The following ZZEF1 variants were observed in gnomAD, a reference collection of about 807,000 sequenced individuals.
ZZEF1 encodes the protein zinc finger ZZ-type and EF-hand domain containing 1.
ZZEF1 carries 157 observed loss-of-function variants against 342.8 expected under a neutral mutation model. The ratio of observed to expected loss-of-function variants is 0.46; its 90% CI spans 0.40 to 0.52. The LOEUF (loss-of-function observed/expected upper bound fraction) is 0.52, where lower values mean the gene tolerates loss of function less well. ZZEF1 is among the 20% of genes least tolerant of loss of function. The pLI is 0.00. For missense variants in ZZEF1, 3,480 were observed against 3,725.6 expected (o/e 0.93, Z 1.72); for synonymous variants, 1,505 against 1,429.1 (o/e 1.05, Z -1.20).
intron 17 of ZZEF1, among the ~76,000 whole-genome samples, chr17:4,081,728 G>A (rs1263625460): frequency 8.5e-5 from 13 of 152,162 alleles, no homozygotes; most frequent in Admixed American, 5.9e-4. Flanking sequence ...CCCTGAGGTA[G>A]AAGGCTGATG....
intron 11 of ZZEF1, among the ~76,000 whole-genome samples, chr17:4,091,129 C>T (rs1407984845): frequency 6.6e-6 from 1 of 152,196 alleles, no homozygotes; most frequent in Non-Finnish European, 1.5e-5. Flanking sequence ...TTGTGGATGA[C>T]TCAGGAGTAA....
At chr17:4,123,758 T>C (rs1300281533) in intron 2 of ZZEF1, 149 bp downstream of exon 2, 12 of 867,968 alleles carry the variant, frequency 1.4e-5, no homozygotes, top group Non-Finnish European at 1.9e-5. Flanking sequence ...ATGAAAGAGA[T>C]GACTAAAGGA....
chr17:4,018,321 G>T (rs1422881360), intron 46 of ZZEF1, among the ~76,000 whole-genome samples: 2 of 151,512 alleles, frequency 1.3e-5, no homozygotes, highest in African/African-American at 4.9e-5. Context: ...ATGTTGCCCG[G>T]GCCGGCCTGG....
chr17:4,132,916 A>G (rs1225961041), intron 1 of ZZEF1, among the ~76,000 whole-genome samples: 1 of 152,130 alleles, frequency 6.6e-6, no homozygotes, highest in Non-Finnish European at 1.5e-5. Context: ...CAGTGAGCTG[A>G]GATCACGCCA....
At chr17:4,068,575 A>G (rs1182392758) in intron 26 of ZZEF1, among the ~76,000 whole-genome samples, 1 of 152,118 alleles carries the variant, frequency 6.6e-6, no homozygotes, top group Non-Finnish European at 1.5e-5. Flanking sequence ...GCGTAAAGCC[A>G]CTGCACCCAG....
intron 1 of ZZEF1, among the ~76,000 whole-genome samples, chr17:4,139,305 C>G (rs141012215): frequency 3.4e-4 from 52 of 150,830 alleles, no homozygotes; most frequent in African/African-American, 1.2e-3. Flanking sequence ...CCAATGGCAG[C>G]GTAAGTTGGG....
Position 4,095,900 on chromosome 17 carries a change from T to G in ZZEF1, c.1844A>C (p.Glu615Ala), listed in dbSNP as rs762697725. 7 of 1,613,942 alleles carry G rather than the reference T, an allele frequency of 4.3e-6. No individual in the cohort carries two copies. In the South Asian group the frequency reaches 7.7e-5, roughly 18 times the overall value. ...ATATTTTTCAAACCTTTTGAAGTGT[T>G]CTTCCGCACAAAATTTATCTGAAGA... ...NSSSDKFCAE[E>A]HFKRFEKYDK... Residue 615 changes from glutamate (E) to alanine (A), a missense_variant, in exon 11 of 55, where the codon GAA (glutamate) becomes GCA (alanine). Transcript: ENST00000381638.
In ZZEF1 at chr17:4,017,472, C is replaced by A; in HGVS notation, c.7900G>T (p.Val2634Leu). 6.2e-7 allele frequency: 1 copy of A among 1,614,258 alleles called. No individual in the cohort carries two copies. Residue 2634 changes from valine to leucine, a missense_variant, in exon 48 of 55, where the codon GTG becomes TTG. Physicochemically the swap from Val to Leu is conservative, Grantham distance 32 (BLOSUM62 1). Around this residue, in one of 5 missense-constraint regions of ZZEF1, gnomAD observed 1,269 missense variants for 1,342.4 expected, o/e 0.95. Coordinates refer to ENST00000381638, the MANE Select transcript of ZZEF1 (RefSeq NM_015113.4). The surrounding 1 kb of genome is among the most constrained non-coding windows in gnomAD (Gnocchi z 5.1). ...ASLLAEWPSH[V>L]PVSEDILELS... ...TCCAGGATGTCCTCGCTCACTGGCACGTGGCTAGGCCACTCGGCGAGCAGG... is the reference window on the plus strand; with the variant it reads ...TCCAGGATGTCCTCGCTCACTGGCAAGTGGCTAGGCCACTCGGCGAGCAGG...
At chr17:4,022,442 A>G (rs2056294438) in intron 44 of ZZEF1, 2 of 366,500 alleles carry the variant, frequency 5.5e-6, no homozygotes, top group East Asian at 9.6e-5. Flanking sequence ...CTTTATTACC[A>G]TGATATAATG....
intron 1 of ZZEF1, among the ~76,000 whole-genome samples, chr17:4,130,361 G>A (rs1042713751): frequency 1.3e-5 from 2 of 152,160 alleles, no homozygotes; most frequent in East Asian, 1.9e-4. Context: ...GCTGAGGCAG[G>A]AGAATCGCTT....
chr17:4,042,506 G>T lies in ZZEF1; in HGVS notation c.6229C>A (p.Pro2077Thr), dbSNP rs773971808. 6.2e-7 allele frequency: 1 copy of T among 1,614,028 alleles called. No homozygotes were observed. Among genetic ancestry groups the T allele is most frequent in the South Asian group, 1.1e-5 (1 of 91,052 alleles). The stretch of plus-strand genomic sequence containing the variant: ...GAACACTCAGCAAACACTTGCTCAG[G>T]GCTTGGAGTAACTGCTTTTTCCTCT... ...PIEEKAVTPS[P>T]EQVFAECSQK... The change falls in exon 39 of 55, where the codon CCT (proline) becomes ACT (threonine). Residue 2077 changes from proline to threonine, a missense_variant. Pro to Thr is a conservative substitution (Grantham distance 38). This residue lies in a region of ZZEF1 where 1,269 missense variants were observed against 1,342.4 expected (regional missense o/e 0.95). Coordinates refer to ENST00000381638, the MANE Select transcript of ZZEF1 (RefSeq NM_015113.4).
At chr17:4,121,666 A>G (rs958790177) in intron 2 of ZZEF1, among the ~76,000 whole-genome samples, 1 of 152,266 alleles carries the variant, frequency 6.6e-6, no homozygotes, top group African/African-American at 2.4e-5. Context: ...AGACTAGGGA[A>G]AAAGTTAACA....
At position 4,134,331 on chromosome 17, in the gene ZZEF1, T is replaced by A. The variant is rs930979337; in HGVS notation, c.354+8211A>T. Reference sequence around the variant, plus strand: ...AAGACCCTGTCTCAAAAAGAAAAAATATATATATATTTATATATATTTATA... The same window carrying A: ...AAGACCCTGTCTCAAAAAGAAAAAAAATATATATATTTATATATATTTATA... On this transcript the variant is annotated intron_variant, in intron 1 of 54. Coordinates refer to ENST00000381638, the MANE Select transcript of ZZEF1 (RefSeq NM_015113.4). Among the ~76,000 whole-genome samples the A allele has an allele frequency of 1.4e-3, 195 of 143,228 alleles. 1 individual carries two copies. Among genetic ancestry groups the A allele is most frequent in the Non-Finnish European group, 2.1e-3 (140 of 66,236 alleles). 94.0% of individuals were successfully genotyped at this position (143,228 alleles called of 152,430 possible).
chr17:4,079,224 C>A (rs934317957), intron 18 of ZZEF1, among the ~76,000 whole-genome samples: 3 of 152,238 alleles, frequency 2.0e-5, no homozygotes, highest in Non-Finnish European at 4.4e-5. Context: ...CACCTACCCA[C>A]TCCTCACGTG....
intron 2 of ZZEF1, among the ~76,000 whole-genome samples, chr17:4,121,691 T>C (rs772337506): frequency 6.6e-6 from 1 of 151,844 alleles, no homozygotes; most frequent in Non-Finnish European, 1.5e-5. Flanking sequence ...TAACATTACA[T>C]AATTAAAGAC....
intron 5 of ZZEF1, among the ~76,000 whole-genome samples, chr17:4,110,826 T>C (rs2058284229): frequency 1.3e-5 from 2 of 150,924 alleles, no homozygotes; most frequent in African/African-American, 4.9e-5. Flanking sequence ...GTGATTCTCC[T>C]GCCTCAGCCT....
chr17:4,140,699 T>C (rs2058829766), intron 1 of ZZEF1, among the ~76,000 whole-genome samples: 1 of 152,192 alleles, frequency 6.6e-6, no homozygotes, highest in South Asian at 2.1e-4. Flanking sequence ...TACATAAAGT[T>C]CTATTTCTGT....
chr17:4,067,234 C>G lies in ZZEF1; in HGVS notation c.4084G>C (p.Gly1362Arg), dbSNP rs1372569709. ...YEKLQKYVNS[G>R]GKIALSEEFA... ...TCTTCACTCAGGGCTATTTTGCCCC[C>G]ACTGTTGACTGGGGAGAGAAGCAGA... The change falls in exon 27 of 55, where the codon GGG becomes CGG. Residue 1362 changes from glycine to arginine, a missense_variant. This residue lies in a region of ZZEF1 where 1,528 missense variants were observed against 1,624.1 expected (regional missense o/e 0.94). Transcript: ENST00000381638. The G allele has an allele frequency of 6.2e-7, 1 of 1,612,758 alleles. No homozygotes were observed. The highest frequency in any genetic ancestry group is 1.7e-5 in the Admixed American group (1 of 59,740).
chr17:4,128,345 TA>T (rs74340131), intron 1 of ZZEF1, among the ~76,000 whole-genome samples: 5,892 of 81,402 alleles, frequency 0.072, 474 homozygotes, highest in African/African-American at 0.24. Flanking sequence ...CAGACTGTCT[TA>T]AAAAAAAAAA....
Sources: allele counts gnomAD v4.1 joint callset (sites outside exome capture counted in the v4.1 genomes callset), GRCh38; gene constraint gnomAD v4.1.1; regional missense constraint gnomAD v4.1.1; non-coding constraint Gnocchi (gnomAD v3.1); transcripts MANE v1.5; gene names NCBI Gene and HGNC (gene_info 2026-07-23, HGNC 2026-07-21).